The following LOXHD1 variants were observed in gnomAD, a reference collection of about 807,000 sequenced individuals.
LOXHD1 encodes lipoxygenase homology domain-containing protein 1.
Under a neutral mutation model 248.2 loss-of-function variants are expected in LOXHD1, and 205 were observed. That is an observed-to-expected ratio of 0.83 (90% CI 0.74 to 0.93). LOXHD1 has a LOEUF of 0.93. Ranked by LOEUF, LOXHD1 falls within the 40% of genes least tolerant of loss-of-function variation. The pLI is 0.00. For synonymous variants in LOXHD1, 1,113 were observed against 1,162.8 expected, an observed-to-expected ratio of 0.96 and a Z score of 0.87; for missense variants, 2,930 against 2,971.6, an observed-to-expected ratio of 0.99 and a Z score of 0.33.
chr18:46,578,154 G>C (rs917185248), intron 13 of LOXHD1, among the ~76,000 whole-genome samples: 1 of 152,188 alleles, frequency 6.6e-6, no homozygotes, highest in Admixed American at 6.5e-5. Flanking sequence ...CATTTATCAT[G>C]AGCTAATTCC....
chr18:46,501,344 T>A (rs368809876), intron 37 of LOXHD1, among the ~76,000 whole-genome samples: 1 of 152,200 alleles, frequency 6.6e-6, no homozygotes, highest in East Asian at 1.9e-4. Flanking sequence ...GTCCTTTTCA[T>A]GGTCTATTTA....
intron 8 of LOXHD1, among the ~76,000 whole-genome samples, chr18:46,600,909 T>C (rs1312040580): frequency 6.6e-6 from 1 of 152,160 alleles, no homozygotes; most frequent in Middle Eastern, 3.2e-3. Context: ...TACTTATTGA[T>C]TGAAAGATTT....
chr18:46,532,245 G>A (rs908371674), intron 28 of LOXHD1, among the ~76,000 whole-genome samples: 3 of 152,170 alleles, frequency 2.0e-5, no homozygotes, highest in Admixed American at 1.3e-4. Context: ...TAGAAAGTCT[G>A]TTTTTTGCAA....
intron 14 of LOXHD1, among the ~76,000 whole-genome samples, chr18:46,574,388 T>TACACACACACACACACACACACACACAC (rs569144159): frequency 2.3e-3 from 283 of 125,266 alleles, no homozygotes; most frequent in African/African-American, 3.9e-3. Context: ...TGTGTACACA[T>TACACACACACACACACACACACACACAC]ACACACACAC....
intron 4 of LOXHD1, among the ~76,000 whole-genome samples, chr18:46,633,664 C>A (rs1013968056): frequency 6.6e-6 from 1 of 152,076 alleles, no homozygotes; most frequent in Admixed American, 6.6e-5. Context: ...TGGACACTAT[C>A]AACAGAGTAA....
intron 12 of LOXHD1, among the ~76,000 whole-genome samples, chr18:46,590,988 G>A (rs575760501): frequency 1.3e-5 from 2 of 152,310 alleles, no homozygotes; most frequent in East Asian, 3.9e-4. Flanking sequence ...GATACTTGCT[G>A]TTTGAGGTTT....
chr18:46,528,264 G>C (rs1027665548), intron 29 of LOXHD1, among the ~76,000 whole-genome samples: 11 of 152,060 alleles, frequency 7.2e-5, no homozygotes, highest in African/African-American at 2.7e-4. Context: ...GGCCTGTGGG[G>C]ATTTCAGGCA....
Position 46,497,197 on chromosome 18 carries a change from G to T in LOXHD1, c.5879-8055C>A, listed in dbSNP as rs577139229. Among the ~76,000 whole-genome samples, 3 of 152,242 alleles carry T rather than the reference G, an allele frequency of 2.0e-5. No homozygotes were observed. The South Asian group carries it at 6.2e-4, about 32-fold the overall frequency. ...TTCTTTAAACCCAAGAGCCATTATG[G>T]GTCCAAGGCAATCAGATAGTTTTTG... On this transcript the variant is annotated intron_variant, in intron 37 of 40. Coordinates refer to ENST00000642948, the MANE Select transcript of LOXHD1 (RefSeq NM_001384474.1).
At chr18:46,610,992 G>A in intron 5 of LOXHD1, 68 bp from the exon 6 acceptor site, 1 of 1,523,202 alleles carries the variant, frequency 6.6e-7, no homozygotes, top group Non-Finnish European at 8.8e-7. Context: ...AGCCTTCATG[G>A]TCCGCCCACT....
At chr18:46,547,511 A>C (rs2036901554) in intron 21 of LOXHD1, among the ~76,000 whole-genome samples, 1 of 152,226 alleles carries the variant, frequency 6.6e-6, no homozygotes, top group African/African-American at 2.4e-5. Context: ...TGCTTTCAGA[A>C]GGTACAGAGA....
chr18:46,556,276 T>C (rs1188629941), intron 21 of LOXHD1, among the ~76,000 whole-genome samples: 1 of 152,064 alleles, frequency 6.6e-6, no homozygotes, highest in Non-Finnish European at 1.5e-5. Context: ...TGATCCCTGG[T>C]ATAGAATATT....
intron 37 of LOXHD1, among the ~76,000 whole-genome samples, chr18:46,498,473 A>G (rs1452054815): frequency 1.3e-5 from 2 of 152,168 alleles, no homozygotes; most frequent in Non-Finnish European, 2.9e-5. Flanking sequence ...ATTCTTTTGG[A>G]GTTCTGGAGC....
intron 21 of LOXHD1, among the ~76,000 whole-genome samples, chr18:46,549,854 G>C (rs969415195): frequency 6.6e-6 from 1 of 152,180 alleles, no homozygotes; most frequent in Non-Finnish European, 1.5e-5. Context: ...TCAGGGCTGG[G>C]AACAGAGGTA....
chr18:46,624,740 G>A (rs2038716714), intron 4 of LOXHD1, among the ~76,000 whole-genome samples: 1 of 152,050 alleles, frequency 6.6e-6, no homozygotes, highest in Non-Finnish European at 1.5e-5. Flanking sequence ...CACACACAAG[G>A]CACTGGGACG....
intron 16 of LOXHD1, among the ~76,000 whole-genome samples, chr18:46,569,121 C>T (rs2037700381): frequency 6.6e-6 from 1 of 152,136 alleles, no homozygotes; most frequent in South Asian, 2.1e-4. Context: ...GTGTCTGTGA[C>T]CCAGGTACAT....
chr18:46,519,304 C>T (rs1286695486), intron 33 of LOXHD1, among the ~76,000 whole-genome samples: 1 of 152,194 alleles, frequency 6.6e-6, no homozygotes, highest in Non-Finnish European at 1.5e-5. Context: ...CTACATTCCT[C>T]TATCACCTGT....
rs2144061178 is a variant in LOXHD1 at position 46,566,467 on chromosome 18, G to T, written c.2245-18C>A. ...CGGTTGATCTGAAGGAAACCCGAGT[G>T]AGGGTGAGCAAGGAGCCAGTGTGTA... On this transcript the variant is annotated intron_variant, in intron 16 of 40. Coordinates refer to ENST00000642948, the MANE Select transcript of LOXHD1 (RefSeq NM_001384474.1). The T allele has an allele frequency of 3.2e-6, 5 of 1,545,064 alleles. No homozygotes were observed. The South Asian group carries it at 6.0e-5, about 18-fold the overall frequency.
At chr18:46,553,370 G>C (rs1270553074) in intron 21 of LOXHD1, among the ~76,000 whole-genome samples, 1 of 152,166 alleles carries the variant, frequency 6.6e-6, no homozygotes, top group East Asian at 1.9e-4. Context: ...GAGGAGTAAA[G>C]TGCCTTTCCC....
intron 22 of LOXHD1, among the ~76,000 whole-genome samples, chr18:46,546,264 GGCT>G (rs1170863256): frequency 6.0e-5 from 9 of 150,398 alleles, no homozygotes; most frequent in Non-Finnish European, 1.3e-4. Flanking sequence ...AATCAGAAGT[GGCT>G]ACACTCATTC....
Sources: allele counts gnomAD v4.1 joint callset (sites outside exome capture counted in the v4.1 genomes callset), GRCh38; gene constraint gnomAD v4.1.1; transcripts MANE v1.5; gene names NCBI Gene and HGNC (gene_info 2026-07-23, HGNC 2026-07-21).